The following ZC4H2 variants were observed in gnomAD, a reference collection of about 807,000 sequenced individuals.
ZC4H2 encodes the protein zinc finger C4H2-type containing, also known as zinc finger C4H2 domain-containing protein.
For missense variants in ZC4H2, 137 were observed against 173.9 expected (o/e 0.79, Z 1.19); for synonymous variants, 84 against 66.3 (o/e 1.27, Z -1.30).
chrX:64,966,653 G>A (rs897715633), intron 1 of ZC4H2, among the ~76,000 whole-genome samples: 8 of 111,845 alleles, frequency 7.2e-5, no homozygotes, highest in Admixed American at 6.6e-4. Context: ...ATGTTACAAT[G>A]TGAATGAATC....
intron 1 of ZC4H2, among the ~76,000 whole-genome samples, chrX:65,034,177 C>G (rs1212567448): frequency 9.0e-6 from 1 of 111,078 alleles, no homozygotes; most frequent in Non-Finnish European, 1.9e-5. Flanking sequence ...AATTTCAAAG[C>G]CCATTCTCTA....
intron 1 of ZC4H2, among the ~76,000 whole-genome samples, chrX:64,940,893 T>A (rs933825522): frequency 8.9e-6 from 1 of 112,066 alleles, no homozygotes; most frequent in African/African-American, 3.3e-5. Context: ...TCTTTTTTGG[T>A]TCCACATGAA....
At position 64,920,086 on chromosome X, in the gene ZC4H2, G is replaced by A. The variant is rs1359797772; in HGVS notation, c.393C>T (p.Ser131=). The change falls in exon 3 of 5, where the codon TCC becomes TCT. Residue 131 remains serine, a synonymous_variant. Transcript: ENST00000374839. ...ACTGGGGGCAGGTAGCTTACTCCAA[G>A]GAAAGCTTCTCCTCTTCTTCACACA... ...PDLCEEEEKL[S]LDYFEKQKAE... is the part of the protein sequence containing the mutation. 2 of 1,209,415 alleles carry A rather than the reference G, an allele frequency of 1.7e-6. No individual in the cohort carries two copies. Among genetic ancestry groups the A allele is most frequent in the Non-Finnish European group, 2.2e-6 (2 of 894,616 alleles).
chrX:65,026,853 ATC>A (rs1267097585), intron 1 of ZC4H2, among the ~76,000 whole-genome samples: 1 of 112,420 alleles, frequency 8.9e-6, no homozygotes, highest in Non-Finnish European at 1.9e-5. Flanking sequence ...TCACTGCTGC[ATC>A]TCTCTGTGTT....
chrX:64,918,006 G>A, intron 4 of ZC4H2, 110 bp from the exon 5 acceptor site: 3 of 925,981 alleles, frequency 3.2e-6, no homozygotes, highest in Non-Finnish European at 4.4e-6. Context: ...CCCATCAGAA[G>A]AGAGCAATAA....
chrX:64,928,486 C>A (rs1320516304), intron 1 of ZC4H2, among the ~76,000 whole-genome samples: 1 of 111,688 alleles, frequency 9.0e-6, no homozygotes, highest in Non-Finnish European at 1.9e-5. Flanking sequence ...GTCTATATAT[C>A]TGTTTTGGTA....
At chrX:64,951,984 A>G (rs1178142167) in intron 1 of ZC4H2, among the ~76,000 whole-genome samples, 3 of 111,249 alleles carry the variant, frequency 2.7e-5, no homozygotes, top group African/African-American at 3.3e-5. Flanking sequence ...CGTATAAGGT[A>G]TAAGGAAGGG....
intron 1 of ZC4H2, among the ~76,000 whole-genome samples, chrX:64,984,365 C>T (rs1013442761): frequency 8.9e-6 from 1 of 111,736 alleles, no homozygotes; most frequent in African/African-American, 3.3e-5. Flanking sequence ...TATTATTATT[C>T]GAATCAGCCT....
chrX:64,967,571 C>T (rs1414319390), intron 1 of ZC4H2, among the ~76,000 whole-genome samples: 1 of 112,053 alleles, frequency 8.9e-6, no homozygotes, highest in East Asian at 2.8e-4. Flanking sequence ...CCCCCAGAGT[C>T]ATTAATCTGT....
rs193249885 is a variant in ZC4H2 at position 65,029,353 on chromosome X, G to A, written c.-272+5276C>T. On this transcript the variant is annotated intron_variant, in intron 1 of 4. Transcript: ENST00000337990. ...TAACAAAATAGGTTTTAGTGGAGAG[G>A]TAGAGGTTAAATCCCTATTACAGTG... Among the ~76,000 whole-genome samples the A allele has an allele frequency of 5.0e-3, 559 of 111,832 alleles. 2 individuals are homozygous for A. The highest frequency in any genetic ancestry group is 0.017 in the African/African-American group (518 of 30,772).
chrX:64,934,718 T>A (rs1174260251), intron 1 of ZC4H2, among the ~76,000 whole-genome samples: 1 of 111,726 alleles, frequency 9.0e-6, no homozygotes, highest in Non-Finnish European at 1.9e-5. Flanking sequence ...GGGCATCGCC[T>A]CAACTGGGAA....
chrX:64,987,629 C>A (rs768665048), intron 1 of ZC4H2, among the ~76,000 whole-genome samples: 3 of 108,861 alleles, frequency 2.8e-5, no homozygotes, highest in South Asian at 8.0e-4. Flanking sequence ...AAAATGTAAA[C>A]CTATAAAACT....
intron 1 of ZC4H2, among the ~76,000 whole-genome samples, chrX:65,021,766 G>C (rs773823368): frequency 9.0e-6 from 1 of 110,889 alleles, no homozygotes; most frequent in African/African-American, 3.3e-5. Flanking sequence ...TAACAAAATA[G>C]ATAGACCACA....
At chrX:64,926,322 T>A (rs1929420033) in intron 1 of ZC4H2, among the ~76,000 whole-genome samples, 1 of 112,324 alleles carries the variant, frequency 8.9e-6, no homozygotes, top group African/African-American at 3.2e-5. Flanking sequence ...TTAAAGGACA[T>A]CTAGACTCAC....
At chrX:64,951,566 T>C (rs1180642055) in intron 1 of ZC4H2, among the ~76,000 whole-genome samples, 1 of 112,464 alleles carries the variant, frequency 8.9e-6, no homozygotes, top group Non-Finnish European at 1.9e-5. Context: ...GGTGAGCATT[T>C]TTTCATGCGT....
intron 1 of ZC4H2, among the ~76,000 whole-genome samples, chrX:64,967,397 C>CAAGCAGACTTAAAAATTGTATT (rs1382165952): frequency 8.9e-6 from 1 of 112,006 alleles, no homozygotes; most frequent in East Asian, 2.8e-4. Context: ...TTCCATCAAT[C>CAAGCAGACTTAAAAATTGTATT]AAGCAGACTT....
At chrX:64,932,475 TAAG>T (rs1467258802) in intron 1 of ZC4H2, among the ~76,000 whole-genome samples, 1 of 111,827 alleles carries the variant, frequency 8.9e-6, no homozygotes, top group Non-Finnish European at 1.9e-5. Context: ...ATTTATGCTT[TAAG>T]AAGGTTATAT....
At chrX:65,030,779 C>T (rs1164437175) in intron 1 of ZC4H2, among the ~76,000 whole-genome samples, 1 of 111,027 alleles carries the variant, frequency 9.0e-6, no homozygotes, top group African/African-American at 3.3e-5. Flanking sequence ...AAGTCCCCTA[C>T]CCTTGGTATC....
rs1928914689 is a variant in ZC4H2, at chrX:64,916,230, T to C, written c.*1553A>G. The C allele has an allele frequency of 9.0e-6, 1 of 111,618 alleles. No homozygotes were observed. Among genetic ancestry groups the C allele is most frequent in the Non-Finnish European group, 1.9e-5 (1 of 53,190 alleles). The allele number at this position is 111,618 out of a possible 1,213,427, so 9.2% of individuals were successfully genotyped here. On this transcript the variant is annotated 3_prime_UTR_variant, in exon 5 of 5. Transcript: ENST00000374839. ...TTTGGAAGTCAAATACAATCATTTA[T>C]ATTAAGCAACTTGCATAGGTACCTG...
Sources: gnomAD v4.1 joint callset for allele counts (sites outside exome capture counted in the v4.1 genomes callset) on GRCh38, gnomAD v4.1.1 for gene constraint, MANE v1.5 for transcripts, NCBI Gene and HGNC (gene_info 2026-07-23, HGNC 2026-07-21) for gene names.